KCNIP4: variants seen among roughly 807,000 people sequenced by gnomAD.
KCNIP4 encodes potassium voltage-gated channel interacting protein 4.
Under a neutral mutation model 34.0 loss-of-function variants are expected in KCNIP4, and 12 were observed. The observed-to-expected ratio is 0.35, with a 90% CI of 0.23 to 0.57. KCNIP4 has a LOEUF of 0.57. Ranked by LOEUF, KCNIP4 falls within the 20% of genes least tolerant of loss-of-function variation. The pLI, the probability that KCNIP4 is intolerant of heterozygous loss-of-function variation, is 0.83. For synonymous variants in KCNIP4, 124 were observed against 102.2 expected (o/e 1.21, Z -1.29); for missense variants, 238 against 311.7 (o/e 0.76, Z 1.78).
In KCNIP4 at chr4:21,854,727, C is replaced by A. The variant is rs146670487; in HGVS notation, c.61+93844G>T. Among the ~76,000 whole-genome samples the A allele has an allele frequency of 2.5e-3, 387 of 152,292 alleles. 1 individual carries two copies. The highest frequency in any genetic ancestry group is 8.9e-3 in the African/African-American group (368 of 41,562). On this transcript the variant is annotated intron_variant, in intron 1 of 8. Coordinates refer to ENST00000382152, the MANE Select transcript of KCNIP4 (RefSeq NM_025221.6). ...CCATATTCTAAGCGATTGTGTTGAG[C>A]CTTGACATCTCTTTTGGAAACCAGG...
chr4:21,271,048 A>AT, intron 1 of KCNIP4, among the ~76,000 whole-genome samples: 1 of 151,606 alleles, frequency 6.6e-6, no homozygotes, highest in Middle Eastern at 3.2e-3. Context: ...CTATCCACTT[A>AT]TTTTTTCCTT....
At chr4:20,896,334 G>T (rs1726527225) in intron 1 of KCNIP4, among the ~76,000 whole-genome samples, 1 of 152,134 alleles carries the variant, frequency 6.6e-6, no homozygotes, top group Non-Finnish European at 1.5e-5. Flanking sequence ...CATTGTAACT[G>T]GTTTGAATTG....
At chr4:21,130,155 T>G (rs1251729739) in intron 1 of KCNIP4, among the ~76,000 whole-genome samples, 1 of 152,122 alleles carries the variant, frequency 6.6e-6, no homozygotes, top group African/African-American at 2.4e-5. Flanking sequence ...TAAGCCATAC[T>G]GAATGTCTTG....
chr4:21,135,064 C>T (rs771709523), intron 1 of KCNIP4, among the ~76,000 whole-genome samples: 35 of 152,182 alleles, frequency 2.3e-4, no homozygotes, highest in Non-Finnish European at 4.3e-4. Context: ...ACTCCGAGAT[C>T]TTTTACAATG....
intron 1 of KCNIP4, among the ~76,000 whole-genome samples, chr4:21,523,281 T>C (rs1735696330): frequency 6.6e-6 from 1 of 152,102 alleles, no homozygotes; most frequent in African/African-American, 2.4e-5. Flanking sequence ...TATGTGTCAA[T>C]GCCTCTGTGC....
intron 5 of KCNIP4, among the ~76,000 whole-genome samples, chr4:20,737,080 C>G (rs142851520): frequency 6.6e-6 from 1 of 152,264 alleles, no homozygotes; most frequent in African/African-American, 2.4e-5. Context: ...ATATATGGTG[C>G]TGTGGCAACT....
chr4:20,796,372 G>A (rs576944688), intron 3 of KCNIP4, among the ~76,000 whole-genome samples: 1 of 152,190 alleles, frequency 6.6e-6, no homozygotes, highest in African/African-American at 2.4e-5. Context: ...GCGCTGGTGT[G>A]ATCACAGAAC....
intron 1 of KCNIP4, among the ~76,000 whole-genome samples, chr4:20,988,618 T>C (rs958294329): frequency 3.9e-5 from 6 of 152,250 alleles, no homozygotes; most frequent in African/African-American, 1.4e-4. Context: ...ATATTTACAA[T>C]CTACCTGTTC....
At chr4:21,750,174 C>G (rs1717059685) in intron 1 of KCNIP4, among the ~76,000 whole-genome samples, 3 of 152,092 alleles carry the variant, frequency 2.0e-5, no homozygotes, top group Non-Finnish European at 4.4e-5. Context: ...CACTTTGTAG[C>G]CACTGGTGAT....
At chr4:20,812,296 G>A (rs945733572) in intron 3 of KCNIP4, among the ~76,000 whole-genome samples, 1 of 152,172 alleles carries the variant, frequency 6.6e-6, no homozygotes, top group African/African-American at 2.4e-5. Context: ...GTGGGGCAAA[G>A]AGAAAGAGAG....
intron 2 of KCNIP4, among the ~76,000 whole-genome samples, chr4:20,851,192 T>TC (rs1256084687): frequency 2.6e-5 from 4 of 152,006 alleles, no homozygotes; most frequent in Admixed American, 2.0e-4. Context: ...ATCCTCTCCC[T>TC]CCCCCAACAG....
At chr4:21,809,438 G>C (rs1369935098) in intron 1 of KCNIP4, among the ~76,000 whole-genome samples, 2 of 152,134 alleles carry the variant, frequency 1.3e-5, no homozygotes, top group Non-Finnish European at 2.9e-5. Flanking sequence ...GCAGACTGTG[G>C]AATTTCTCAG....
At chr4:21,613,244 G>A (rs1744309096) in intron 1 of KCNIP4, 1 of 152,164 alleles carries the variant, frequency 6.6e-6, no homozygotes, top group Non-Finnish European at 1.5e-5. Context: ...TTAACCAATA[G>A]GACATTGTAG....
intron 1 of KCNIP4, among the ~76,000 whole-genome samples, chr4:20,963,682 A>T (rs1006885228): frequency 6.6e-6 from 1 of 152,164 alleles, no homozygotes; most frequent in East Asian, 1.9e-4. Context: ...GCAGTGAAAG[A>T]GGAGGTTAAA....
intron 1 of KCNIP4, among the ~76,000 whole-genome samples, chr4:21,322,583 T>C (rs532423368): frequency 6.6e-6 from 1 of 152,258 alleles, no homozygotes; most frequent in Non-Finnish European, 1.5e-5. Flanking sequence ...AGTCCCATTG[T>C]TTGTAGCTGG....
intron 1 of KCNIP4, among the ~76,000 whole-genome samples, chr4:21,830,132 A>C (rs1374275937): frequency 2.0e-5 from 3 of 152,176 alleles, no homozygotes; most frequent in African/African-American, 7.2e-5. Flanking sequence ...ACACAGGATA[A>C]ATATTAAAGA....
At chr4:21,931,393 T>C (rs976799685) in intron 1 of KCNIP4, among the ~76,000 whole-genome samples, 3 of 149,396 alleles carry the variant, frequency 2.0e-5, no homozygotes, top group African/African-American at 7.4e-5. Context: ...ACATTAGGTA[T>C]ATCTCCTAAT....
intron 1 of KCNIP4, among the ~76,000 whole-genome samples, chr4:21,235,618 T>C (rs1261375146): frequency 2.6e-5 from 4 of 152,208 alleles, no homozygotes; most frequent in Admixed American, 2.6e-4. Context: ...CATGCTATAT[T>C]TCTCTTGACA....
At chr4:21,431,107 C>T (rs1393657042) in intron 1 of KCNIP4, among the ~76,000 whole-genome samples, 2 of 151,608 alleles carry the variant, frequency 1.3e-5, no homozygotes, top group South Asian at 4.1e-4. Flanking sequence ...ATGAGCATTT[C>T]TTCAATAATA....
Sources: allele counts gnomAD v4.1 joint callset (sites outside exome capture counted in the v4.1 genomes callset), GRCh38; gene constraint gnomAD v4.1.1; transcripts MANE v1.5; gene names NCBI Gene and HGNC (gene_info 2026-07-23, HGNC 2026-07-21).